ARID5B: variants seen among roughly 807,000 people sequenced by gnomAD.
ARID5B encodes AT-rich interaction domain 5B, also known as AT-rich interactive domain-containing protein 5B.
ARID5B carries 13 observed loss-of-function variants against 97.2 expected under a neutral mutation model. That is an observed-to-expected ratio of 0.13 (90% confidence interval 0.09 to 0.21). The LOEUF (loss-of-function observed/expected upper bound fraction) is 0.21. Among genes scored for constraint, ARID5B ranks in the 10% least tolerant of loss-of-function variants. ARID5B has a pLI of 1.00. For synonymous variants in ARID5B, 556 were observed against 570.3 expected (o/e 0.97, Z 0.36); for missense variants, 1,210 against 1,465.3 (o/e 0.83, Z 2.84).
At chr10:61,993,417 C>T (rs1018036113) in intron 3 of ARID5B, among the ~76,000 whole-genome samples, 2 of 152,134 alleles carry the variant, frequency 1.3e-5, no homozygotes, top group Non-Finnish European at 2.9e-5. Context: ...TTACAAATGT[C>T]TTTCTGTATA....
At chr10:62,017,280 C>G (rs754445386) in intron 4 of ARID5B, among the ~76,000 whole-genome samples, 1 of 152,080 alleles carries the variant, frequency 6.6e-6, no homozygotes, top group Admixed American at 6.6e-5. Flanking sequence ...TGGTGAAACC[C>G]TGTCTCTACT....
In ARID5B at chr10:61,902,290, G is replaced by T. The variant is rs1409224843; in HGVS notation, c.153G>T (p.Pro51=). 1.2e-6 allele frequency: 2 copies of T among 1,614,144 alleles called. No individual in the cohort carries two copies. Among genetic ancestry groups the T allele is most frequent in the East Asian group, 2.2e-5 (1 of 44,878 alleles). ...TTGTAAGATGTACGCCAAAGGATCC[G>T]ATTTGCATAGCGGAGCTCCAGCTGT... ...FFFVRCTPKD[P]ICIAELQLLW... Residue 51 remains proline, a synonymous_variant, in exon 2 of 10, where the codon CCG becomes CCT. Transcript: ENST00000279873.
chr10:61,938,966 T>A (rs796341536), intron 2 of ARID5B, among the ~76,000 whole-genome samples: 4 of 63,354 alleles, frequency 6.3e-5, no homozygotes, highest in Non-Finnish European at 1.1e-4. Context: ...ATTGGAGAAG[T>A]GTGTGTGTGT....
intron 6 of ARID5B, among the ~76,000 whole-genome samples, chr10:62,058,435 C>T (rs879892667): frequency 5.3e-5 from 8 of 152,248 alleles, no homozygotes; most frequent in Non-Finnish European, 1.2e-4. Flanking sequence ...GTTCAATTTT[C>T]CCCTCATGTA....
At position 61,977,083 on chromosome 10, in the gene ARID5B, C is replaced by T. The variant is rs189096129; in HGVS notation, c.503-23008C>T. On this transcript the variant is annotated intron_variant, in intron 3 of 9. Transcript: ENST00000279873. ...GTCCAAGTGTTCTCATTGTTCAATT[C>T]CCACCTATGAGTGAGAACATGCGGT... Among the ~76,000 whole-genome samples the T allele has an allele frequency of 6.0e-3, 921 of 152,232 alleles. 3 individuals carry two copies. Among genetic ancestry groups the T allele is most frequent in the Non-Finnish European group, 9.5e-3 (647 of 68,024 alleles).
At chr10:61,928,351 A>T (rs1844144143) in intron 2 of ARID5B, among the ~76,000 whole-genome samples, 1 of 152,154 alleles carries the variant, frequency 6.6e-6, no homozygotes, top group South Asian at 2.1e-4. Context: ...CCTAGGCTGG[A>T]GTGCAGTAGC....
intron 3 of ARID5B, among the ~76,000 whole-genome samples, chr10:61,958,521 C>T (rs1011800112): frequency 1.3e-5 from 2 of 152,120 alleles, no homozygotes; most frequent in Non-Finnish European, 2.9e-5. Context: ...CCGCCGCGCC[C>T]GGCCGTGACC....
At position 62,095,238 on chromosome 10, in the gene ARID5B, C is replaced by T; in HGVS notation, c.*2208C>T. On this transcript the variant is annotated 3_prime_UTR_variant, in exon 10 of 10. Coordinates refer to ENST00000279873, the MANE Select transcript of ARID5B (RefSeq NM_032199.3). ...TCAATTCCAGCTGGCAAGATGCTAG[C>T]CAGGACACATATAAGAAAGTTGCAC... is the stretch of plus-strand genomic sequence containing the variant. The T allele has an allele frequency of 4.3e-6, 1 of 233,382 alleles. No homozygotes were observed. The highest frequency in any genetic ancestry group is 8.5e-6 in the Non-Finnish European group (1 of 117,970). The allele number at this position is 233,382 out of a possible 1,614,324, so 14.5% of individuals were successfully genotyped here.
At chr10:61,987,580 T>G (rs1164617070) in intron 3 of ARID5B, among the ~76,000 whole-genome samples, 2 of 152,236 alleles carry the variant, frequency 1.3e-5, no homozygotes, top group Non-Finnish European at 2.9e-5. Context: ...AGTAAATATT[T>G]TAGATTTGTG....
intron 3 of ARID5B, among the ~76,000 whole-genome samples, chr10:61,997,144 G>A (rs889828256): frequency 2.0e-5 from 3 of 151,940 alleles, no homozygotes; most frequent in Admixed American, 6.6e-5. Context: ...CAGGATGCAC[G>A]GACAGTTGTA....
At chr10:62,063,936 A>G (rs1839954744) in intron 7 of ARID5B, among the ~76,000 whole-genome samples, 1 of 152,208 alleles carries the variant, frequency 6.6e-6, no homozygotes. Context: ...TTGGCTAACC[A>G]CTTGATGGCA....
chr10:62,089,060 T>G (rs1840330967), intron 9 of ARID5B, among the ~76,000 whole-genome samples: 2 of 152,232 alleles, frequency 1.3e-5, no homozygotes, highest in African/African-American at 4.8e-5. Context: ...TCAATGAGAC[T>G]GAGTATCCCT....
chr10:61,998,973 A>G (rs1199639863), intron 3 of ARID5B, among the ~76,000 whole-genome samples: 5 of 152,254 alleles, frequency 3.3e-5, no homozygotes, highest in African/African-American at 1.2e-4. Context: ...CCAGACTGGC[A>G]GAGTTGCCAC....
At chr10:61,906,831 T>A (rs1657503880) in intron 2 of ARID5B, among the ~76,000 whole-genome samples, 1 of 152,220 alleles carries the variant, frequency 6.6e-6, no homozygotes, top group South Asian at 2.1e-4. Flanking sequence ...TTGGGCAAGT[T>A]CTAAACTCTC....
intron 2 of ARID5B, among the ~76,000 whole-genome samples, chr10:61,908,523 C>G (rs888618557): frequency 3.3e-5 from 5 of 152,028 alleles, no homozygotes; most frequent in Non-Finnish European, 7.4e-5. Flanking sequence ...GGAGAATGGC[C>G]TCGGCCAGGC....
intron 2 of ARID5B, among the ~76,000 whole-genome samples, chr10:61,933,186 A>G (rs1296088635): frequency 6.6e-6 from 1 of 152,266 alleles, no homozygotes; most frequent in Admixed American, 6.5e-5. Flanking sequence ...GCTCCTCTTC[A>G]TCTGTTCAAG....
intron 3 of ARID5B, among the ~76,000 whole-genome samples, chr10:61,989,644 T>G (rs1195857588): frequency 2.0e-5 from 3 of 152,204 alleles, no homozygotes; most frequent in Non-Finnish European, 4.4e-5. Flanking sequence ...TTTTTATGCA[T>G]AGGTTTATGC....
intron 3 of ARID5B, among the ~76,000 whole-genome samples, chr10:61,955,642 T>C (rs765177967): frequency 6.6e-6 from 1 of 152,110 alleles, no homozygotes; most frequent in Non-Finnish European, 1.5e-5. Flanking sequence ...TTTGCAGAAA[T>C]CTTTTTTTGT....
At chr10:61,999,502 C>G (rs1185516729) in intron 3 of ARID5B, among the ~76,000 whole-genome samples, 1 of 152,150 alleles carries the variant, frequency 6.6e-6, no homozygotes, top group South Asian at 2.1e-4. Context: ...CTCTTGGTCT[C>G]GTGGCTGACT....
Sources: allele counts gnomAD v4.1 joint callset (sites outside exome capture counted in the v4.1 genomes callset), GRCh38; gene constraint gnomAD v4.1.1; transcripts MANE v1.5; gene names NCBI Gene and HGNC (gene_info 2026-07-23, HGNC 2026-07-21).